GLE1: variants seen among roughly 807,000 people sequenced by gnomAD.
GLE1 encodes the protein mRNA export factor GLE1.
GLE1 carries 78 observed loss-of-function variants against 97.3 expected under a neutral mutation model. The observed-to-expected ratio is 0.80, with a 90% CI of 0.67 to 0.97. GLE1 has a LOEUF of 0.97. Among genes scored for constraint, GLE1 ranks in the 50% least tolerant of loss-of-function variants. The pLI is 0.00. For missense variants in GLE1, 753 were observed against 857.5 expected (o/e 0.88, Z 1.52); for synonymous variants, 302 against 313.4 (o/e 0.96, Z 0.39).
rs752552494 is a variant in GLE1, at chr9:128,536,348, C to T, written c.1647-7C>T. 2.1e-5 allele frequency: 34 copies of T among 1,612,142 alleles called. No individual in the cohort carries two copies. The highest frequency in any genetic ancestry group is 2.0e-4 in the South Asian group (18 of 91,018). On this transcript the variant is annotated splice_region_variant and splice_polypyrimidine_tract_variant and intron_variant, in intron 11 of 15. Transcript: ENST00000309971. ...CACACCCGGCCAAATTTTTTCTTCC[C>T]GTATAGGATGCTTGGTTACCAAGTA...
rs961311185 is a variant in GLE1, at chr9:128,527,921, A to G, written c.1312+396A>G. ...GGAGATTGCAGTGAGCCGAGATCAC[A>G]CCACTTCACTCCAGCCTGGGTGACA... On this transcript the variant is annotated intron_variant, in intron 9 of 15. Transcript: ENST00000309971. 3.4e-4 allele frequency among the ~76,000 whole-genome samples: 51 copies of G among 150,544 alleles called. 1 individual carries two copies. The highest frequency in any genetic ancestry group is 2.8e-3 in the East Asian group (14 of 5,004).
chr9:128,533,426 TCAAAAAAA>T (rs1214847480), intron 9 of GLE1, 79 bp from the exon 10 acceptor site: 1 of 722,968 alleles, frequency 1.4e-6, no homozygotes, highest in African/African-American at 4.4e-5. Flanking sequence ...TGATACTGTC[TCAAAAAAA>T]AAAAAAAAAA....
intron 3 of GLE1, among the ~76,000 whole-genome samples, chr9:128,519,504 C>T (rs981965492): frequency 7.9e-5 from 12 of 152,162 alleles, no homozygotes; most frequent in South Asian, 2.1e-4. Flanking sequence ...TCTCCCATAG[C>T]GCTCCCAGGC....
intron 6 of GLE1, 127 bp downstream of exon 6, chr9:128,523,973 G>A (rs979905409): frequency 2.4e-6 from 2 of 825,094 alleles, no homozygotes; most frequent in Non-Finnish European, 3.9e-6. Context: ...AACATTACTT[G>A]TTATCTCCAT....
At chr9:128,533,445 A>G in intron 9 of GLE1, 68 bp from the exon 10 acceptor site, 5 of 1,126,852 alleles carry the variant, frequency 4.4e-6, no homozygotes, top group East Asian at 2.5e-5. Flanking sequence ...AAAAAAAAAA[A>G]AAAAAAAGGA....
chr9:128,521,781 A>G (rs1847160346), intron 3 of GLE1, among the ~76,000 whole-genome samples: 1 of 152,172 alleles, frequency 6.6e-6, no homozygotes, highest in Admixed American at 6.5e-5. Flanking sequence ...CTTTGCACAC[A>G]CATACAAGCA....
At chr9:128,539,728 G>C in intron 14 of GLE1, 30 bp downstream of exon 14, 1 of 1,613,924 alleles carries the variant, frequency 6.2e-7, no homozygotes, top group South Asian at 1.1e-5. Context: ...GACAGCAGGG[G>C]ATTAAGTAAC....
intron 9 of GLE1, among the ~76,000 whole-genome samples, chr9:128,527,984 C>CTT (rs1012062215): frequency 7.3e-6 from 1 of 136,494 alleles, no homozygotes; most frequent in Non-Finnish European, 1.6e-5. Context: ...AAAGAAGACT[C>CTT]TTTTTTTTTT....
chr9:128,528,684 G>T (rs946251692), intron 9 of GLE1, among the ~76,000 whole-genome samples: 2 of 152,160 alleles, frequency 1.3e-5, no homozygotes, highest in African/African-American at 4.8e-5. Flanking sequence ...GTTTACTGCT[G>T]AAAACATCAC....
Position 128,523,436 on chromosome 9 carries a change from G to A in GLE1, c.642+96G>A. ...GGCAGATGGCCACCATGGAGGATCT[G>A]GGCCGTATTATGCCTGTGTATGACT... On this transcript the variant is annotated intron_variant, in intron 5 of 15. Coordinates refer to ENST00000309971, the MANE Select transcript of GLE1 (RefSeq NM_001003722.2). 3 of 1,381,014 alleles carry A rather than the reference G, an allele frequency of 2.2e-6. No individual in the cohort carries two copies. In the Admixed American group the frequency reaches 5.0e-5, roughly 23 times the overall value. The allele number at this position is 1,381,014 out of a possible 1,614,324, so 85.5% of individuals were successfully genotyped here. A position where few individuals can be genotyped will look rare whatever the true frequency, so the allele number is the denominator to read the frequency against.
rs1195120817 is a variant in GLE1 at position 128,504,725 on chromosome 9, C to CT, written c.-80dup. ...GCGCGCGCGTCCCGGAAGCAGAAGC[C>CT]TGTGTGGCCTTCCCGGCGGCTGATT... On this transcript the variant is annotated 5_prime_UTR_variant, in exon 1 of 16. Coordinates refer to ENST00000309971, the MANE Select transcript of GLE1 (RefSeq NM_001003722.2). The CT allele has an allele frequency of 2.1e-6, 2 of 950,076 alleles. No individual in the cohort carries two copies. The highest frequency in any genetic ancestry group is 3.2e-5 in the African/African-American group (2 of 62,630). 58.9% of individuals were successfully genotyped at this position (950,076 alleles called of 1,614,324 possible). A position where few individuals can be genotyped will look rare whatever the true frequency, so the allele number is the denominator to read the frequency against.
chr9:128,533,267 A>G (rs1401664495), intron 9 of GLE1, among the ~76,000 whole-genome samples: 1 of 151,666 alleles, frequency 6.6e-6, no homozygotes, highest in African/African-American at 2.4e-5. Flanking sequence ...CTACAAAAAA[A>G]AAAAAATACA....
At chr9:128,527,574 T>G in intron 9 of GLE1, 49 bp downstream of exon 9, 2 of 1,067,884 alleles carry the variant, frequency 1.9e-6, no homozygotes, top group Non-Finnish European at 2.9e-6. Flanking sequence ...TTGTATTATC[T>G]TTCAGACTCC....
At chr9:128,520,255 AAT>A (rs929068833) in intron 3 of GLE1, among the ~76,000 whole-genome samples, 15 of 149,902 alleles carry the variant, frequency 1.0e-4, no homozygotes, top group Middle Eastern at 3.5e-3. Flanking sequence ...GTCTCCAAAA[AAT>A]ATATATATAT....
chr9:128,524,839 C>A (rs13439919), intron 6 of GLE1, among the ~76,000 whole-genome samples: 5 of 151,654 alleles, frequency 3.3e-5, no homozygotes, highest in East Asian at 3.9e-4. Flanking sequence ...TTGCAATGAC[C>A]GAGATCTTGC....
At chr9:128,506,882 G>A (rs1168583392) in intron 1 of GLE1, among the ~76,000 whole-genome samples, 1 of 152,162 alleles carries the variant, frequency 6.6e-6, no homozygotes, top group Admixed American at 6.6e-5. Context: ...GCAGTGAGAA[G>A]TTTGGCTCCT....
rs546028888 is a variant in GLE1 at position 128,535,713 on chromosome 9, C to T, written c.1647-642C>T. On this transcript the variant is annotated intron_variant, in intron 11 of 15. Coordinates refer to ENST00000309971, the MANE Select transcript of GLE1 (RefSeq NM_001003722.2). ...GGCAGGTGCCTTAATCACAGCTACT[C>T]GGGAGGCAGAGGCAGAAGAATCGCT... is the stretch of plus-strand genomic sequence containing the variant. Among the ~76,000 whole-genome samples the T allele has an allele frequency of 6.6e-5, 10 of 151,880 alleles. No individual in the cohort carries two copies. In the South Asian group the frequency reaches 1.5e-3, roughly 22 times the overall value.
intron 12 of GLE1, chr9:128,536,765 A>G (rs1048478972): frequency 8.0e-6 from 3 of 375,854 alleles, no homozygotes; most frequent in Non-Finnish European, 1.5e-5. Flanking sequence ...TACAAGAGGA[A>G]TGAGCAAGAA....
intron 9 of GLE1, among the ~76,000 whole-genome samples, chr9:128,530,801 C>G (rs562447097): frequency 6.6e-6 from 1 of 151,416 alleles, no homozygotes; most frequent in Non-Finnish European, 1.5e-5. Context: ...CCTAGCTACT[C>G]CGGAGGCTGA....
Sources: gnomAD v4.1 joint callset for allele counts (sites outside exome capture counted in the v4.1 genomes callset) on GRCh38, gnomAD v4.1.1 for gene constraint, MANE v1.5 for transcripts, NCBI Gene and HGNC (gene_info 2026-07-23, HGNC 2026-07-21) for gene names.